PTPN1: variants seen among roughly 807,000 people sequenced by gnomAD.
PTPN1 encodes protein tyrosine phosphatase non-receptor type 1.
A neutral mutation model predicts 59.9 loss-of-function variants in PTPN1; 12 were observed. The observed-to-expected ratio is 0.20, with a 90% CI of 0.13 to 0.32. The LOEUF (loss-of-function observed/expected upper bound fraction) is 0.32. Ranked by LOEUF, PTPN1 falls within the 10% of genes least tolerant of loss-of-function variation. The probability of loss-of-function intolerance (pLI) is 1.00; values close to 1 mark genes in which losing one functional copy is unlikely to be tolerated. For synonymous variants in PTPN1, 178 were observed against 203.6 expected, an observed-to-expected ratio of 0.87 and a Z score of 1.07; for missense variants, 356 against 549.2, an observed-to-expected ratio of 0.65 and a Z score of 3.52.
At chr20:50,514,089 A>G (rs375199269) in intron 1 of PTPN1, among the ~76,000 whole-genome samples, 1 of 152,268 alleles carries the variant, frequency 6.6e-6, no homozygotes, top group Non-Finnish European at 1.5e-5. Flanking sequence ...TGGGAGCACA[A>G]GTAGAAATAG....
intron 1 of PTPN1, among the ~76,000 whole-genome samples, chr20:50,556,709 C>G (rs2082727629): frequency 6.6e-6 from 1 of 152,056 alleles, no homozygotes; most frequent in African/African-American, 2.4e-5. Flanking sequence ...AATCCCAGCA[C>G]CTTGGGAGGC....
chr20:50,528,834 C>T (rs1413721967), intron 1 of PTPN1, among the ~76,000 whole-genome samples: 3 of 151,688 alleles, frequency 2.0e-5, no homozygotes, highest in Non-Finnish European at 2.9e-5. Flanking sequence ...AATTGGAAAC[C>T]GTGATTGCTA....
intron 1 of PTPN1, among the ~76,000 whole-genome samples, chr20:50,550,875 A>G (rs1269589616): frequency 1.3e-5 from 2 of 152,220 alleles, no homozygotes; most frequent in Non-Finnish European, 2.9e-5. Context: ...AGAGACATTC[A>G]CCCAGTTGTG....
At chr20:50,534,717 C>T (rs1435930897) in intron 1 of PTPN1, among the ~76,000 whole-genome samples, 1 of 151,894 alleles carries the variant, frequency 6.6e-6, no homozygotes, top group Non-Finnish European at 1.5e-5. Flanking sequence ...AGTCCTCCAA[C>T]TTAATCCTTA....
At chr20:50,542,485 T>C (rs2082657423) in intron 1 of PTPN1, among the ~76,000 whole-genome samples, 1 of 152,222 alleles carries the variant, frequency 6.6e-6, no homozygotes, top group Non-Finnish European at 1.5e-5. Context: ...AGGGAAAGCT[T>C]TGTTTTCCTC....
chr20:50,554,123 A>T (rs1380570465), intron 1 of PTPN1, among the ~76,000 whole-genome samples: 1 of 152,204 alleles, frequency 6.6e-6, no homozygotes, highest in Admixed American at 6.5e-5. Flanking sequence ...GGCCTGGCAC[A>T]CTGTCTCATG....
At chr20:50,549,288 G>C (rs1370918218) in intron 1 of PTPN1, among the ~76,000 whole-genome samples, 1 of 152,168 alleles carries the variant, frequency 6.6e-6, no homozygotes, top group Non-Finnish European at 1.5e-5. Context: ...GTACATCAGA[G>C]TGTGAAAGCA....
At chr20:50,523,030 T>C (rs976237636) in intron 1 of PTPN1, among the ~76,000 whole-genome samples, 14 of 151,444 alleles carry the variant, frequency 9.2e-5, no homozygotes, top group African/African-American at 3.4e-4. Flanking sequence ...CCTCCCAAAG[T>C]GTTGGGATTA....
At chr20:50,581,139 G>GT in intron 8 of PTPN1, 126 bp from the exon 9 acceptor site, 1 of 1,415,046 alleles carries the variant, frequency 7.1e-7, no homozygotes, top group East Asian at 2.6e-5. Context: ...TCGCTGGAAG[G>GT]TTAACATCAT....
intron 2 of PTPN1, among the ~76,000 whole-genome samples, chr20:50,563,567 A>G (rs1241212061): frequency 6.6e-6 from 1 of 152,238 alleles, no homozygotes; most frequent in East Asian, 1.9e-4. Context: ...ATCCACTTAA[A>G]AATTATCCAA....
intron 1 of PTPN1, among the ~76,000 whole-genome samples, chr20:50,552,456 C>T (rs1181197530): frequency 6.6e-6 from 1 of 152,212 alleles, no homozygotes; most frequent in Admixed American, 6.5e-5. Context: ...AGTTTCCTGA[C>T]TGTATCCTTC....
intron 1 of PTPN1, among the ~76,000 whole-genome samples, chr20:50,553,305 T>C (rs1473699667): frequency 6.6e-6 from 1 of 152,206 alleles, no homozygotes; most frequent in Non-Finnish European, 1.5e-5. Context: ...TGCCTGGCGA[T>C]CTTGCTGAAT....
intron 4 of PTPN1, among the ~76,000 whole-genome samples, chr20:50,570,808 C>A (rs2082804531): frequency 6.6e-6 from 1 of 152,156 alleles, no homozygotes; most frequent in African/African-American, 2.4e-5. Flanking sequence ...CCAGTAGCAC[C>A]CCCTCCCCAG....
chr20:50,545,891 G>A (rs1471387108), intron 1 of PTPN1, among the ~76,000 whole-genome samples: 1 of 150,552 alleles, frequency 6.6e-6, no homozygotes, highest in Non-Finnish European at 1.5e-5. Context: ...AGCCAGGCAT[G>A]GTGGAACGTA....
At chr20:50,575,187 G>A (rs923625316) in intron 5 of PTPN1, among the ~76,000 whole-genome samples, 4 of 152,204 alleles carry the variant, frequency 2.6e-5, no homozygotes, top group East Asian at 3.8e-4. Flanking sequence ...CAGCACTGCC[G>A]CTGAACGCGC....
At chr20:50,536,647 TAA>T (rs1388253995) in intron 1 of PTPN1, among the ~76,000 whole-genome samples, 3 of 152,200 alleles carry the variant, frequency 2.0e-5, no homozygotes, top group African/African-American at 7.2e-5. Flanking sequence ...TTCCTTAAGT[TAA>T]TGTTTTACCA....
chr20:50,522,704 G>A (rs1479260506), intron 1 of PTPN1, among the ~76,000 whole-genome samples: 1 of 152,126 alleles, frequency 6.6e-6, no homozygotes, highest in Non-Finnish European at 1.5e-5. Flanking sequence ...ACCCAGTCAA[G>A]GTCTTTGTCC....
intron 4 of PTPN1, among the ~76,000 whole-genome samples, chr20:50,570,340 C>T (rs2082801841): frequency 1.3e-5 from 2 of 152,018 alleles, no homozygotes; most frequent in African/African-American, 2.4e-5. Flanking sequence ...GGGTTTTTTA[C>T]CCTTGCCTAC....
intron 1 of PTPN1, among the ~76,000 whole-genome samples, chr20:50,547,454 C>T (rs1328148427): frequency 6.6e-6 from 1 of 151,892 alleles, no homozygotes; most frequent in Non-Finnish European, 1.5e-5. Flanking sequence ...ACCTCTGCCT[C>T]CCGGGTTCAA....
Sources: allele counts gnomAD v4.1 joint callset (sites outside exome capture counted in the v4.1 genomes callset), GRCh38; gene constraint gnomAD v4.1.1; transcripts MANE v1.5; gene names NCBI Gene and HGNC (gene_info 2026-07-23, HGNC 2026-07-21).